Variants in SLC30A6 observed in about 807,000 individuals in gnomAD.
The protein encoded by SLC30A6 is zinc transporter 6.
SLC30A6 carries 55 observed loss-of-function variants against 63.0 expected under a neutral mutation model. The observed-to-expected ratio is 0.87, with a 90% CI of 0.70 to 1.09. The LOEUF is 1.09. SLC30A6 is among the 50% of genes least tolerant of loss of function. SLC30A6 has a pLI of 0.00. For missense variants in SLC30A6, 587 were observed against 549.2 expected (o/e 1.07, Z -0.69); for synonymous variants, 224 against 186.1 (o/e 1.20, Z -1.66).
At chr2:32,197,619 A>T in intron 9 of SLC30A6, 88 bp from the exon 10 acceptor site, 1 of 1,570,404 alleles carries the variant, frequency 6.4e-7, no homozygotes, top group Non-Finnish European at 8.7e-7. Context: ...ACTATGTGGT[A>T]CCAAAATACA....
intron 10 of SLC30A6, among the ~76,000 whole-genome samples, chr2:32,198,605 T>C (rs1468753150): frequency 1.3e-5 from 2 of 152,206 alleles, no homozygotes; most frequent in Non-Finnish European, 2.9e-5. Context: ...TTTTCTGAGA[T>C]GGAGTTTCGC....
intron 13 of SLC30A6, among the ~76,000 whole-genome samples, chr2:32,219,969 A>G (rs1686029283): frequency 1.3e-5 from 2 of 152,132 alleles, no homozygotes; most frequent in South Asian, 4.1e-4. Flanking sequence ...TCCTTGTATT[A>G]TAATATTCCT....
At chr2:32,175,060 T>C (rs1681606324) in intron 3 of SLC30A6, among the ~76,000 whole-genome samples, 1 of 152,036 alleles carries the variant, frequency 6.6e-6, no homozygotes, top group African/African-American at 2.4e-5. Context: ...GGCAGAAAAA[T>C]GGTAACAGGG....
In SLC30A6 at chr2:32,177,986, C is replaced by T. The variant is rs545593535; in HGVS notation, c.218+2625C>T. 1.6e-4 allele frequency among the ~76,000 whole-genome samples: 22 copies of T among 139,252 alleles called. No homozygotes were observed. The East Asian group carries it at 3.2e-3, about 20-fold the overall frequency. The allele number at this position is 139,252 out of a possible 152,430, so 91.4% of individuals were successfully genotyped here. On this transcript the variant is annotated intron_variant, in intron 4 of 13. Coordinates refer to ENST00000282587, the MANE Select transcript of SLC30A6 (RefSeq NM_017964.5). ...TTTTTGAGATGGAGTCTCGCTCTGT[C>T]GCCCAGGCTGGAGTGCAGTGGCGCG...
Position 32,197,702 on chromosome 2 carries a change from C to A in SLC30A6, c.546-5C>A, listed in dbSNP as rs764579085. ...TGGATACTCTTTCTGTTTGTTTTTT[C>A]TTAGCTTGTGTGGAATTATTCCGGG... is the stretch of plus-strand genomic sequence containing the variant. On this transcript the variant is annotated splice_region_variant and splice_polypyrimidine_tract_variant and intron_variant, in intron 9 of 13. Transcript: ENST00000282587. The A allele has an allele frequency of 6.2e-7, 1 of 1,613,294 alleles. No individual in the cohort carries two copies. The highest frequency in any genetic ancestry group is 1.1e-5 in the South Asian group (1 of 90,982).
At chr2:32,194,051 G>A in intron 8 of SLC30A6, 68 bp downstream of exon 8, 2 of 1,288,416 alleles carry the variant, frequency 1.6e-6, no homozygotes, top group Non-Finnish European at 2.2e-6. Context: ...CCTTTTGTTT[G>A]TTTCGTTCAC....
chr2:32,176,804 A>T (rs904445464), intron 4 of SLC30A6, among the ~76,000 whole-genome samples: 1 of 150,714 alleles, frequency 6.6e-6, no homozygotes, highest in Non-Finnish European at 1.5e-5. Flanking sequence ...ACGGAATCTT[A>T]CTCTGTCACC....
chr2:32,170,587 A>G (rs1681113425), intron 1 of SLC30A6, among the ~76,000 whole-genome samples: 3 of 152,168 alleles, frequency 2.0e-5, no homozygotes, highest in African/African-American at 4.8e-5. Flanking sequence ...GGGTTTTACT[A>G]TAATAGTTGC....
In SLC30A6 at chr2:32,210,724, A is replaced by G. The variant is rs1685192150; in HGVS notation, c.885+1163A>G. 3.9e-5 allele frequency among the ~76,000 whole-genome samples: 6 copies of G among 152,158 alleles called. No individual in the cohort carries two copies. In the South Asian group the frequency reaches 1.2e-3, roughly 32 times the overall value. On this transcript the variant is annotated intron_variant, in intron 13 of 13. Coordinates refer to ENST00000282587, the MANE Select transcript of SLC30A6 (RefSeq NM_017964.5). Reference sequence around the variant, plus strand: ...AGATCAAAGCTGGTCTAGCAGTTCAATGATATTACCCACTTTGCAGTCTTT... The same window carrying G: ...AGATCAAAGCTGGTCTAGCAGTTCAGTGATATTACCCACTTTGCAGTCTTT...
rs1385573169 is a variant in SLC30A6, at chr2:32,174,011, C to G, written c.91-52C>G. Reference sequence around the variant, plus strand: ...ATAAATTGTAGCAACTTGAACAGACCCCGTGAAATTTATCACTTCTGTACA... The same window carrying G: ...ATAAATTGTAGCAACTTGAACAGACGCCGTGAAATTTATCACTTCTGTACA... On this transcript the variant is annotated intron_variant, in intron 2 of 13. Coordinates refer to ENST00000282587, the MANE Select transcript of SLC30A6 (RefSeq NM_017964.5). The G allele has an allele frequency of 3.6e-6, 5 of 1,370,324 alleles. No individual in the cohort carries two copies. The Admixed American group carries it at 9.5e-5, about 26-fold the overall frequency. 84.9% of individuals were successfully genotyped at this position (1,370,324 alleles called of 1,614,324 possible). A position where few individuals can be genotyped will look rare whatever the true frequency, so the allele number is the denominator to read the frequency against.
chr2:32,205,675 T>C (rs1310776341), intron 11 of SLC30A6, among the ~76,000 whole-genome samples: 1 of 145,050 alleles, frequency 6.9e-6, no homozygotes, highest in Non-Finnish European at 1.5e-5. Flanking sequence ...TTTTTTTTTT[T>C]TTTTTTTTTG....
rs762225480 is a variant in SLC30A6 at position 32,197,792 on chromosome 2, G to A, written c.631G>A (p.Ala211Thr). The change falls in exon 10 of 14, where the codon GCT becomes ACT. Residue 211 changes from alanine (A) to threonine (T), a missense_variant. Coordinates refer to ENST00000282587, the MANE Select transcript of SLC30A6 (RefSeq NM_017964.5). ...TTTGATTGATCTTGCTGGAGCATTT[G>A]CTCTTTGTATTACATATATGCTCAT... Reference protein sequence around the residue: ...FVLIDLAGAFALCITYMLIEI... With the variant: ...FVLIDLAGAFTLCITYMLIEI... The A allele has an allele frequency of 5.0e-6, 8 of 1,613,882 alleles. No homozygotes were observed. Among genetic ancestry groups the A allele is most frequent in the Non-Finnish European group, 6.8e-6 (8 of 1,180,000 alleles).
chr2:32,179,821 A>C lies in SLC30A6; in HGVS notation c.219-4452A>C, dbSNP rs79091631. 4.2e-3 allele frequency among the ~76,000 whole-genome samples: 639 copies of C among 152,332 alleles called. 9 individuals carry two copies. The highest frequency in any genetic ancestry group is 0.015 in the African/African-American group (629 of 41,582). On this transcript the variant is annotated intron_variant, in intron 4 of 13. Transcript: ENST00000282587. ...GTAAATATACATAGGAAAGATAAAC[A>C]AACTGATAATAATAGGTGTCTTTGA...
chr2:32,207,990 G>T (rs955406480), intron 12 of SLC30A6, among the ~76,000 whole-genome samples: 2 of 151,676 alleles, frequency 1.3e-5, no homozygotes, highest in Non-Finnish European at 2.9e-5. Context: ...GAGCCACCAG[G>T]CCCGGCCTAA....
intron 11 of SLC30A6, among the ~76,000 whole-genome samples, chr2:32,205,662 CTTTTTTTTTT>C (rs745414068): frequency 2.3e-5 from 2 of 87,220 alleles, no homozygotes; most frequent in Middle Eastern, 9.8e-3. Context: ...AATGTTACTT[CTTTTTTTTTT>C]TTTTTTTTTT....
rs549833333 is a variant in SLC30A6 at position 32,197,886 on chromosome 2, C to A, written c.665+60C>A. On this transcript the variant is annotated intron_variant, in intron 10 of 13. Coordinates refer to ENST00000282587, the MANE Select transcript of SLC30A6 (RefSeq NM_017964.5). ...ATTTCTGGGGACTTACTTTTAAGGG[C>A]ATCAGCAGGATGGATAGTGGTCAAG... The A allele has an allele frequency of 2.1e-5, 33 of 1,593,858 alleles. No homozygotes were observed. In the South Asian group the frequency reaches 3.1e-4, roughly 15 times the overall value.
At chr2:32,217,961 G>C (rs549871289) in intron 13 of SLC30A6, among the ~76,000 whole-genome samples, 2 of 151,852 alleles carry the variant, frequency 1.3e-5, no homozygotes, top group Non-Finnish European at 2.9e-5. Context: ...TCAGCCTCCT[G>C]CGTAGCTGAG....
intron 4 of SLC30A6, chr2:32,177,594 T>A (rs377365259): frequency 5.9e-6 from 1 of 168,756 alleles, no homozygotes; most frequent in Non-Finnish European, 1.3e-5. Flanking sequence ...GCCTGAGCAA[T>A]AGGTATGTTT....
intron 13 of SLC30A6, among the ~76,000 whole-genome samples, chr2:32,212,894 A>ATTTTTTTTTTTTTTTTTTTT (rs10522618): frequency 1.6e-4 from 19 of 118,242 alleles, no homozygotes; most frequent in African/African-American, 6.1e-4. Context: ...TGTGTCCAGC[A>ATTTTTTTTTTTTTTTTTTTT]TTTTTTTTTT....
Sources: allele counts gnomAD v4.1 joint callset (sites outside exome capture counted in the v4.1 genomes callset), GRCh38; gene constraint gnomAD v4.1.1; transcripts MANE v1.5; gene names NCBI Gene and HGNC (gene_info 2026-07-23, HGNC 2026-07-21).